Variants in CCDC152 observed in about 807,000 individuals in gnomAD.
CCDC152 encodes coiled-coil domain containing 152.
A neutral mutation model predicts 38.1 loss-of-function variants in CCDC152; 37 were observed. The ratio of observed to expected loss-of-function variants is 0.97; its 90% CI spans 0.75 to 1.28. The LOEUF (loss-of-function observed/expected upper bound fraction) is 1.28, where lower values mean the gene tolerates loss of function less well. Among genes scored for constraint, CCDC152 ranks in the 50% most tolerant of loss-of-function variants. The pLI, the probability that CCDC152 is intolerant of heterozygous loss-of-function variation, is 0.00. For missense variants in CCDC152, 259 were observed against 292.1 expected (o/e 0.89, Z 0.83); for synonymous variants, 83 against 87.1 (o/e 0.95, Z 0.26).
At chr5:42,779,650 G>T in intron 5 of CCDC152, 128 bp downstream of exon 5, 1 of 514,134 alleles carries the variant, frequency 1.9e-6, no homozygotes, top group South Asian at 3.7e-5. Context: ...TGTGTGTGGA[G>T]ATATACGTAT....
At chr5:42,791,560 G>C (rs186169225) in intron 6 of CCDC152, among the ~76,000 whole-genome samples, 76 of 152,234 alleles carry the variant, frequency 5.0e-4, no homozygotes, top group African/African-American at 1.2e-3. Context: ...TCCTTTTGTA[G>C]GTTGTCTTAC....
At chr5:42,786,783 T>G (rs1288502039) in intron 6 of CCDC152, among the ~76,000 whole-genome samples, 1 of 152,064 alleles carries the variant, frequency 6.6e-6, no homozygotes, top group African/African-American at 2.4e-5. Flanking sequence ...AGGCATTTAG[T>G]GCTATAAACT....
intron 6 of CCDC152, among the ~76,000 whole-genome samples, chr5:42,786,421 G>A (rs2111577062): frequency 6.6e-6 from 1 of 152,172 alleles, no homozygotes; most frequent in Non-Finnish European, 1.5e-5. Context: ...ACATAGAAAT[G>A]TTCATAGTAG....
intron 5 of CCDC152, among the ~76,000 whole-genome samples, chr5:42,781,900 C>G (rs1218118836): frequency 1.3e-5 from 2 of 152,142 alleles, no homozygotes; most frequent in African/African-American, 4.8e-5. Flanking sequence ...CTCTTGCCTA[C>G]ATTTTAGGCC....
chr5:42,757,058 A>C lies in CCDC152; in HGVS notation c.-3+173A>C, dbSNP rs557823854. 4.6e-5 allele frequency among the ~76,000 whole-genome samples: 7 copies of C among 151,784 alleles called. No homozygotes were observed. In the South Asian group the frequency reaches 1.5e-3, roughly 32 times the overall value. On this transcript the variant is annotated intron_variant, in intron 1 of 8. Transcript: ENST00000361970. Reference sequence around the variant, plus strand: ...CTTTATTTTTGCTAGGCCGCTAAGGACGCTAGAAAGCGATTCGAAACTCCC... The same window carrying C: ...CTTTATTTTTGCTAGGCCGCTAAGGCCGCTAGAAAGCGATTCGAAACTCCC...
At chr5:42,773,279 TA>T (rs570906309) in intron 4 of CCDC152, among the ~76,000 whole-genome samples, 9 of 152,318 alleles carry the variant, frequency 5.9e-5, no homozygotes, top group Middle Eastern at 3.4e-3. Flanking sequence ...AGTAGGGACT[TA>T]TGGATTATGT....
chr5:42,798,870 T>G (rs1313496811), intron 7 of CCDC152, among the ~76,000 whole-genome samples: 1 of 152,230 alleles, frequency 6.6e-6, no homozygotes, highest in African/African-American at 2.4e-5. Context: ...GGGTTCAAAC[T>G]ATATCGACAA....
At chr5:42,780,379 A>G (rs1759828402) in intron 5 of CCDC152, among the ~76,000 whole-genome samples, 1 of 152,166 alleles carries the variant, frequency 6.6e-6, no homozygotes, top group South Asian at 2.1e-4. Context: ...ATGGTTTTTA[A>G]GTATTTCTGA....
rs149858429 is a variant in CCDC152, at chr5:42,801,632, C to A, written c.*1851C>A. 2.8e-4 allele frequency: 111 copies of A among 397,852 alleles called. No individual in the cohort carries two copies. Among genetic ancestry groups the A allele is most frequent in the African/African-American group, 2.0e-3 (99 of 48,568 alleles). 24.6% of individuals were successfully genotyped at this position (397,852 alleles called of 1,614,324 possible). A position where few individuals can be genotyped will look rare whatever the true frequency, so the allele number is the denominator to read the frequency against. ...ATATCAAATCCTAAATTCAGTTGAT[C>A]TGGGCCGAGCATGGTGGCTCATGCC... On this transcript the variant is annotated 3_prime_UTR_variant, in exon 9 of 9. Transcript: ENST00000361970.
intron 4 of CCDC152, among the ~76,000 whole-genome samples, chr5:42,777,507 C>T (rs1759785204): frequency 2.0e-5 from 3 of 151,246 alleles, no homozygotes; most frequent in Non-Finnish European, 1.5e-5. Context: ...TAAAGGAATA[C>T]TCTGAACAAC....
chr5:42,787,907 G>T (rs1038259708), intron 6 of CCDC152, among the ~76,000 whole-genome samples: 3 of 152,120 alleles, frequency 2.0e-5, no homozygotes, highest in Non-Finnish European at 4.4e-5. Flanking sequence ...AACCCAATTT[G>T]CCAATCTGTG....
chr5:42,769,476 T>C (rs1759669427), intron 3 of CCDC152, 121 bp from the exon 4 acceptor site: 1 of 1,167,014 alleles, frequency 8.6e-7, no homozygotes, highest in African/African-American at 1.6e-5. Context: ...TCAATAGGAC[T>C]ACAAGGCACA....
intron 6 of CCDC152, among the ~76,000 whole-genome samples, chr5:42,794,703 T>C (rs1294481676): frequency 6.6e-6 from 1 of 152,184 alleles, no homozygotes; most frequent in Non-Finnish European, 1.5e-5. Flanking sequence ...GACAAGGGAA[T>C]TCTGGAAAAC....
chr5:42,797,980 G>A (rs984831249), intron 7 of CCDC152, among the ~76,000 whole-genome samples: 1 of 151,508 alleles, frequency 6.6e-6, no homozygotes, highest in South Asian at 2.2e-4. Flanking sequence ...AAACCCGCCT[G>A]TACTAAAAAA....
At chr5:42,795,539 A>G (rs1561280159) in intron 6 of CCDC152, among the ~76,000 whole-genome samples, 1 of 152,270 alleles carries the variant, frequency 6.6e-6, no homozygotes, top group South Asian at 2.1e-4. Context: ...ACTAATTGAC[A>G]TAAATGATAT....
At chr5:42,775,790 G>A (rs185610579) in intron 4 of CCDC152, among the ~76,000 whole-genome samples, 1 of 152,118 alleles carries the variant, frequency 6.6e-6, no homozygotes, top group Admixed American at 6.5e-5. Flanking sequence ...CATAAGGAAT[G>A]AGAGGAAGGA....
At chr5:42,788,260 G>A (rs1038208888) in intron 6 of CCDC152, among the ~76,000 whole-genome samples, 2 of 150,064 alleles carry the variant, frequency 1.3e-5, no homozygotes, top group Non-Finnish European at 3.0e-5. Context: ...GAGGACCTCA[G>A]TTTCTTCTGG....
chr5:42,766,060 C>T (rs189949372), intron 3 of CCDC152, among the ~76,000 whole-genome samples: 63 of 152,180 alleles, frequency 4.1e-4, no homozygotes, highest in Non-Finnish European at 8.2e-4. Flanking sequence ...TCAAACACCC[C>T]TATAGGAAAA....
chr5:42,770,337 A>C (rs758609974), intron 4 of CCDC152, among the ~76,000 whole-genome samples: 1 of 152,194 alleles, frequency 6.6e-6, no homozygotes, highest in Non-Finnish European at 1.5e-5. Flanking sequence ...TATATGTGAG[A>C]TAAAATATTG....
Sources: allele counts gnomAD v4.1 joint callset (sites outside exome capture counted in the v4.1 genomes callset), GRCh38; gene constraint gnomAD v4.1.1; transcripts MANE v1.5; gene names NCBI Gene and HGNC (gene_info 2026-07-23, HGNC 2026-07-21).